Variants in PID1 observed in about 807,000 individuals in gnomAD.
The protein encoded by PID1 is phosphotyrosine interaction domain containing 1, also known as PTB-containing, cubilin and LRP1-interacting protein.
A neutral mutation model predicts 19.1 loss-of-function variants in PID1; 10 were observed. That is an observed-to-expected ratio of 0.52 (90% CI 0.32 to 0.89). PID1 has a LOEUF of 0.89. Ranked by LOEUF, PID1 falls within the 40% of genes least tolerant of loss-of-function variation. The probability of loss-of-function intolerance (pLI) is 0.03; values close to 1 mark genes in which losing one functional copy is unlikely to be tolerated. For synonymous variants in PID1, 130 were observed against 116.0 expected (o/e 1.12, Z -0.78); for missense variants, 248 against 285.3 (o/e 0.87, Z 0.94).
intron 1 of PID1, among the ~76,000 whole-genome samples, chr2:229,207,290 A>G (rs1574721935): frequency 6.6e-6 from 1 of 151,998 alleles, no homozygotes. Context: ...CTACCCTTCC[A>G]TAAAATAAAA....
At chr2:229,064,164 G>A (rs1694272858) in intron 2 of PID1, among the ~76,000 whole-genome samples, 1 of 152,144 alleles carries the variant, frequency 6.6e-6, no homozygotes, top group Non-Finnish European at 1.5e-5. Context: ...AGATCCTTCT[G>A]AATGCAATAA....
intron 2 of PID1, among the ~76,000 whole-genome samples, chr2:229,098,802 G>A (rs1187252430): frequency 3.3e-5 from 5 of 152,194 alleles, no homozygotes; most frequent in African/African-American, 9.6e-5. Flanking sequence ...CATGTTCAGA[G>A]CAAGTGAGGA....
rs551325900 is a variant in PID1, at chr2:229,071,989, A to C, written c.178-45881T>G. ...AGAAATTTTCTCATTTTATATTCCC[A>C]AATGGCCCTGTGTCATTCTATAGTT... On this transcript the variant is annotated intron_variant, in intron 2 of 2. Transcript: ENST00000392055. Among the ~76,000 whole-genome samples the C allele has an allele frequency of 1.2e-4, 19 of 152,316 alleles. No homozygotes were observed. In the South Asian group the frequency reaches 3.9e-3, roughly 32 times the overall value.
chr2:229,262,650 G>T (rs1288027655), intron 1 of PID1: 3 of 1,548,582 alleles, frequency 1.9e-6, no homozygotes, highest in South Asian at 1.2e-5. Flanking sequence ...CATAAACTGG[G>T]TAGCTTAAAA....
chr2:229,234,960 C>T (rs929414027), intron 1 of PID1, among the ~76,000 whole-genome samples: 1 of 152,172 alleles, frequency 6.6e-6, no homozygotes, highest in South Asian at 2.1e-4. Flanking sequence ...TTTTCTAAAT[C>T]CTGGTAATCA....
chr2:229,117,604 T>C (rs1344480339), intron 2 of PID1, among the ~76,000 whole-genome samples: 4 of 152,174 alleles, frequency 2.6e-5, no homozygotes, highest in African/African-American at 4.8e-5. Context: ...AAATAGTCTG[T>C]GTGATTTCCA....
intron 2 of PID1, among the ~76,000 whole-genome samples, chr2:229,124,677 GA>G (rs938961830): frequency 2.0e-5 from 3 of 147,018 alleles, no homozygotes; most frequent in South Asian, 2.1e-4. Context: ...TGTTCAAAAA[GA>G]AAAAAAAAAC....
chr2:229,218,293 C>CAAAAAAAAAAAAAAAAAAAAA (rs67801043), intron 1 of PID1, among the ~76,000 whole-genome samples: 2 of 67,598 alleles, frequency 3.0e-5, no homozygotes, highest in Non-Finnish European at 5.2e-5. Context: ...GTTTCCTGAG[C>CAAAAAAAAAAAAAAAAAAAAA]AAAAAAAAAA....
At chr2:229,191,360 A>G (rs1691256955) in intron 1 of PID1, among the ~76,000 whole-genome samples, 1 of 152,296 alleles carries the variant, frequency 6.6e-6, no homozygotes, top group South Asian at 2.1e-4. Flanking sequence ...GGGAGCTTCT[A>G]AGGATGCCAA....
At chr2:229,147,792 A>T (rs1246750658) in intron 2 of PID1, among the ~76,000 whole-genome samples, 1 of 152,200 alleles carries the variant, frequency 6.6e-6, no homozygotes, top group Admixed American at 6.5e-5. Context: ...TTTTGTCAGT[A>T]AGAAAATTAT....
intron 1 of PID1, among the ~76,000 whole-genome samples, chr2:229,267,807 T>C (rs576565468): frequency 9.2e-5 from 14 of 152,144 alleles, no homozygotes; most frequent in Non-Finnish European, 1.6e-4. Context: ...TAATCTCATC[T>C]CTATTTCATA....
intron 1 of PID1, among the ~76,000 whole-genome samples, chr2:229,267,251 G>C (rs890237926): frequency 2.0e-5 from 3 of 152,196 alleles, no homozygotes; most frequent in Admixed American, 2.0e-4. Context: ...TCTCCCTCTT[G>C]TGGAAGTGCT....
intron 2 of PID1, among the ~76,000 whole-genome samples, chr2:229,122,752 C>T (rs1454346229): frequency 6.6e-6 from 1 of 152,138 alleles, no homozygotes; most frequent in African/African-American, 2.4e-5. Flanking sequence ...AACTTTTAGC[C>T]AACCCTATGC....
intron 2 of PID1, among the ~76,000 whole-genome samples, chr2:229,059,282 T>C (rs1363249855): frequency 6.6e-6 from 1 of 152,194 alleles, no homozygotes; most frequent in Non-Finnish European, 1.5e-5. Context: ...TGGTAAATTA[T>C]GTCCCACACA....
intron 1 of PID1, among the ~76,000 whole-genome samples, chr2:229,167,833 T>C (rs1410581139): frequency 6.6e-6 from 1 of 152,142 alleles, no homozygotes; most frequent in Non-Finnish European, 1.5e-5. Context: ...TATTTTAAAA[T>C]GAAAAGTTTT....
chr2:229,051,576 G>A (rs531632219), intron 2 of PID1, among the ~76,000 whole-genome samples: 44 of 152,198 alleles, frequency 2.9e-4, no homozygotes, highest in South Asian at 1.7e-3. Context: ...GAGCCCAAGC[G>A]ATCTGCTTGC....
Position 229,083,517 on chromosome 2 carries a change from G to A in PID1, c.178-57409C>T, listed in dbSNP as rs151275802. Among the ~76,000 whole-genome samples, 397 of 152,250 alleles carry A rather than the reference G, an allele frequency of 2.6e-3. 4 individuals are homozygous for A. The highest frequency in any genetic ancestry group is 8.9e-3 in the African/African-American group (370 of 41,542). On this transcript the variant is annotated intron_variant, in intron 2 of 2. Transcript: ENST00000392055. ...CTAGTATGACACTAAAGAACTTGAG[G>A]CAAGAGAAAAACATCTGTTATTTGA...
chr2:229,210,786 C>A (rs1691715981), intron 1 of PID1, among the ~76,000 whole-genome samples: 2 of 152,148 alleles, frequency 1.3e-5, no homozygotes, highest in Admixed American at 6.5e-5. Flanking sequence ...TCCAGGCAAG[C>A]TCTGGTATCT....
chr2:229,043,820 G>A (rs549502548), intron 2 of PID1, among the ~76,000 whole-genome samples: 1 of 152,306 alleles, frequency 6.6e-6, no homozygotes, highest in Admixed American at 6.5e-5. Flanking sequence ...GGAAGCCATC[G>A]GCTTAGGTAA....
Sources: allele counts gnomAD v4.1 joint callset (sites outside exome capture counted in the v4.1 genomes callset), GRCh38; gene constraint gnomAD v4.1.1; transcripts MANE v1.5; gene names NCBI Gene and HGNC (gene_info 2026-07-23, HGNC 2026-07-21).